The following DAB1 variants were observed in gnomAD, a reference collection of about 807,000 sequenced individuals.
The protein encoded by DAB1 is disabled homolog 1.
Under a neutral mutation model 64.6 loss-of-function variants are expected in DAB1, and 15 were observed. The observed-to-expected ratio is 0.23, with a 90% CI of 0.16 to 0.36. The LOEUF (loss-of-function observed/expected upper bound fraction) is 0.36, where lower values mean the gene tolerates loss of function less well. Ranked by LOEUF, DAB1 falls within the 10% of genes least tolerant of loss-of-function variation. DAB1 has a pLI of 1.00. For missense variants in DAB1, 596 were observed against 706.7 expected (o/e 0.84, Z 1.78); for synonymous variants, 235 against 251.9 (o/e 0.93, Z 0.64).
chr1:57,142,375 G>T (rs1203480016), intron 3 of DAB1, among the ~76,000 whole-genome samples: 1 of 152,102 alleles, frequency 6.6e-6, no homozygotes, highest in Non-Finnish European at 1.5e-5. Flanking sequence ...ATGGAGAATT[G>T]ATCATTTATG....
intron 5 of DAB1, chr1:58,080,219 C>T (rs1056257082): frequency 1.3e-5 from 2 of 152,238 alleles, no homozygotes; most frequent in Non-Finnish European, 2.9e-5. Flanking sequence ...GTGACTTTGA[C>T]ATCTTCGAGC....
chr1:58,074,779 C>T (rs1457984846), intron 5 of DAB1, among the ~76,000 whole-genome samples: 1 of 151,672 alleles, frequency 6.6e-6, no homozygotes, highest in Non-Finnish European at 1.5e-5. Flanking sequence ...AGAAACTTTG[C>T]CACAGCAGTA....
chr1:57,922,845 C>CAAAAAA lies in DAB1; in HGVS notation n.388-38689_388-38684dup, dbSNP rs367897659. Among the ~76,000 whole-genome samples, 9 of 44,996 alleles carry CAAAAAA rather than the reference C, an allele frequency of 2.0e-4. No homozygotes were observed. The East Asian group carries it at 5.6e-3, about 28-fold the overall frequency. The allele number at this position is 44,996 out of a possible 152,430, so 29.5% of individuals were successfully genotyped here. The stretch of plus-strand genomic sequence containing the variant: ...TGGGTGACAAAGCGAGACTCCATCT[C>CAAAAAA]AAAAAAAAAAAAAAAAAAAAAAAGA... On this transcript the variant is annotated intron_variant and non_coding_transcript_variant, in intron 5 of 20. Transcript: ENST00000485760.
intron 6 of DAB1, among the ~76,000 whole-genome samples, chr1:57,806,323 G>A (rs1184960974): frequency 6.6e-6 from 1 of 152,140 alleles, no homozygotes; most frequent in Non-Finnish European, 1.5e-5. Context: ...CCATTACAGA[G>A]GTAATCAAGT....
chr1:58,048,254 T>C (rs190444697), intron 5 of DAB1: 4 of 1,290,870 alleles, frequency 3.1e-6, no homozygotes, highest in Non-Finnish European at 4.4e-6. Flanking sequence ...TTTGGCAAAG[T>C]ATTGGCCTCC....
At chr1:58,049,647 T>C (rs891557518) in intron 5 of DAB1, among the ~76,000 whole-genome samples, 2 of 152,246 alleles carry the variant, frequency 1.3e-5, no homozygotes, top group Non-Finnish European at 2.9e-5. Flanking sequence ...CTCTTAACTA[T>C]GTTATTTGCT....
intron 2 of DAB1, among the ~76,000 whole-genome samples, chr1:57,147,180 A>C (rs991741709): frequency 3.3e-5 from 5 of 151,816 alleles, no homozygotes; most frequent in Non-Finnish European, 7.4e-5. Context: ...ACAGGCACAC[A>C]CGGTCATACT....
intron 2 of DAB1, among the ~76,000 whole-genome samples, chr1:57,215,949 G>A (rs568841404): frequency 1.3e-3 from 202 of 152,212 alleles, no homozygotes; most frequent in African/African-American, 4.6e-3. Context: ...GACCCCACTG[G>A]GATCTGAAGA....
chr1:57,171,457 C>T (rs1420942792), intron 2 of DAB1, among the ~76,000 whole-genome samples: 1 of 152,152 alleles, frequency 6.6e-6, no homozygotes, highest in Non-Finnish European at 1.5e-5. Context: ...AAACAAGTGG[C>T]CTAGAAGAAA....
rs563817069 is a variant in DAB1, at chr1:57,568,399, T to C, written n.625+81193A>G. Among the ~76,000 whole-genome samples the C allele has an allele frequency of 6.1e-3, 931 of 152,242 alleles. 8 individuals carry two copies. The highest frequency in any genetic ancestry group is 0.021 in the African/African-American group (874 of 41,534). The stretch of plus-strand genomic sequence containing the variant: ...TTCATGTCTAAAACACCAAAAGCAA[T>C]GGCAACAAAAGCCAAAATTGACAAA... On this transcript the variant is annotated intron_variant and non_coding_transcript_variant, in intron 7 of 20. Transcript: ENST00000485760.
At chr1:57,459,552 T>C (rs1347299987) in intron 7 of DAB1, among the ~76,000 whole-genome samples, 1 of 152,206 alleles carries the variant, frequency 6.6e-6, no homozygotes, top group Non-Finnish European at 1.5e-5. Context: ...GTATTCTTAA[T>C]ATTCTCTTAT....
intron 9 of DAB1, among the ~76,000 whole-genome samples, chr1:57,032,532 G>A (rs1171882763): frequency 6.6e-6 from 1 of 152,068 alleles, no homozygotes; most frequent in Non-Finnish European, 1.5e-5. Flanking sequence ...TTCCTATGAA[G>A]TGGCTTCCTA....
intron 4 of DAB1, among the ~76,000 whole-genome samples, chr1:58,192,130 G>A (rs1307220275): frequency 6.6e-6 from 1 of 152,162 alleles, no homozygotes; most frequent in Non-Finnish European, 1.5e-5. Context: ...AGAATCAATA[G>A]CTAAGGAAAA....
chr1:57,034,346 C>G (rs1050170131), intron 9 of DAB1, among the ~76,000 whole-genome samples: 1 of 151,376 alleles, frequency 6.6e-6, no homozygotes, highest in Non-Finnish European at 1.5e-5. Context: ...TTCTTCAAAC[C>G]CATCCCAAAA....
chr1:57,588,728 TAGAC>T (rs1366640900), intron 7 of DAB1, among the ~76,000 whole-genome samples: 3 of 152,046 alleles, frequency 2.0e-5, no homozygotes, highest in African/African-American at 2.4e-5. Flanking sequence ...TTAAACAAAA[TAGAC>T]AGACCAAAAG....
rs534857114 is a variant in DAB1, at chr1:57,057,808, C to G, written c.723+5076G>C. Among the ~76,000 whole-genome samples, 31 of 151,686 alleles carry G rather than the reference C, an allele frequency of 2.0e-4. No individual in the cohort carries two copies. In the East Asian group the frequency reaches 4.3e-3, roughly 21 times the overall value. On this transcript the variant is annotated intron_variant, in intron 9 of 14. Coordinates refer to ENST00000371236, the MANE Select transcript of DAB1 (RefSeq NM_001365792.1). The stretch of plus-strand genomic sequence containing the variant: ...TATTTTTAGTAGAGACGGGGTTTCA[C>G]TGTATTAGCCAGGATGGTCTCGATC...
intron 5 of DAB1, among the ~76,000 whole-genome samples, chr1:57,920,571 C>T (rs1451098210): frequency 2.0e-5 from 3 of 152,046 alleles, no homozygotes; most frequent in Non-Finnish European, 4.4e-5. Context: ...TCAAGCAGTC[C>T]GACGTGGAGT....
chr1:57,166,637 A>G (rs1242122636), intron 2 of DAB1, among the ~76,000 whole-genome samples: 4 of 152,198 alleles, frequency 2.6e-5, no homozygotes, highest in African/African-American at 7.2e-5. Context: ...GTGGTATTGA[A>G]GTCAGGTCTC....
chr1:57,641,680 C>T (rs947637036), intron 7 of DAB1, among the ~76,000 whole-genome samples: 2 of 151,870 alleles, frequency 1.3e-5, no homozygotes, highest in African/African-American at 4.8e-5. Flanking sequence ...AATTCAGTAA[C>T]CCCAGCGTAA....
Sources: allele counts gnomAD v4.1 joint callset (sites outside exome capture counted in the v4.1 genomes callset), GRCh38; gene constraint gnomAD v4.1.1; transcripts MANE v1.5; gene names NCBI Gene and HGNC (gene_info 2026-07-23, HGNC 2026-07-21).